The following MMS22L variants were observed in gnomAD, a reference collection of about 807,000 sequenced individuals.
MMS22L encodes the protein protein MMS22-like.
In MMS22L, 74 loss-of-function variants were observed where a neutral mutation model predicts 159.1. The observed-to-expected ratio is 0.47, with a 90% CI of 0.39 to 0.56. The LOEUF is 0.56. Among genes scored for constraint, MMS22L ranks in the 20% least tolerant of loss-of-function variants. The probability of loss-of-function intolerance (pLI) is 0.00; values close to 1 mark genes in which losing one functional copy is unlikely to be tolerated. For synonymous variants in MMS22L, 517 were observed against 506.9 expected, an observed-to-expected ratio of 1.02 and a Z score of -0.27; for missense variants, 1,351 against 1,422.1, an observed-to-expected ratio of 0.95 and a Z score of 0.80.
rs1805244692 is a variant in MMS22L at position 97,186,511 on chromosome 6, G to GC, written c.2218dup (p.Ala740GlyfsTer38). On this transcript the variant is annotated frameshift_variant, in exon 15 of 25. Transcript: ENST00000683635. LOFTEE classifies it high-confidence loss of function. ...TTAATGCTGACCTGCAGCTGCATCC[G>GC]CAAGTTGTGAGAAAGGCACTACCTG... The GC allele has an allele frequency of 6.2e-7, 1 of 1,611,912 alleles. No individual in the cohort carries two copies. Among genetic ancestry groups the GC allele is most frequent in the South Asian group, 1.1e-5 (1 of 90,854 alleles).
intron 11 of MMS22L, among the ~76,000 whole-genome samples, chr6:97,237,481 G>T (rs371737545): frequency 6.6e-6 from 1 of 151,756 alleles, no homozygotes; most frequent in Non-Finnish European, 1.5e-5. Flanking sequence ...CTTTCTTTAC[G>T]CTTTTATGGC....
At chr6:97,231,152 C>G (rs1293930059) in intron 13 of MMS22L, 1 of 360,988 alleles carries the variant, frequency 2.8e-6, no homozygotes, top group African/African-American at 2.0e-5. Context: ...GTGGTCAGTT[C>G]TCATTTAAAA....
Position 97,273,748 on chromosome 6 carries a change from G to A in MMS22L, c.341-686C>T, listed in dbSNP as rs147254111. Among the ~76,000 whole-genome samples the A allele has an allele frequency of 1.9e-3, 286 of 152,148 alleles. 2 individuals carry two copies. The highest frequency in any genetic ancestry group is 6.7e-3 in the African/African-American group (278 of 41,494). ...TTAACCTCGTATCTAATCCTTCAGA[G>A]TCCTATTAAGTTAATAACCAAATAT... On this transcript the variant is annotated intron_variant, in intron 4 of 24. Coordinates refer to ENST00000683635, the MANE Select transcript of MMS22L (RefSeq NM_001350599.2).
chr6:97,252,710 T>C (rs1331917295), intron 10 of MMS22L, among the ~76,000 whole-genome samples: 4 of 151,862 alleles, frequency 2.6e-5, no homozygotes, highest in African/African-American at 7.3e-5. Context: ...CCTAATATTA[T>C]GCAAATACAC....
intron 24 of MMS22L, among the ~76,000 whole-genome samples, chr6:97,147,425 G>T (rs778605585): frequency 1.1e-4 from 16 of 152,012 alleles, no homozygotes; most frequent in Non-Finnish European, 1.8e-4. Flanking sequence ...ATGATTTATT[G>T]TGCCTAGTAG....
At chr6:97,259,616 T>C (rs989440947) in intron 9 of MMS22L, 2 of 152,076 alleles carry the variant, frequency 1.3e-5, no homozygotes, top group Admixed American at 1.3e-4. Context: ...CATCAGCTCC[T>C]CTGGGTCTTC....
chr6:97,169,224 G>A (rs1193402981), intron 19 of MMS22L, among the ~76,000 whole-genome samples: 2 of 152,024 alleles, frequency 1.3e-5, no homozygotes, highest in African/African-American at 4.8e-5. Context: ...CTTGGTGCTA[G>A]AAGTCTGTTA....
rs1366428669 is a variant in MMS22L at position 97,146,811 on chromosome 6, T to C, written c.3727A>G (p.Thr1243Ala). 3 of 1,572,938 alleles carry C rather than the reference T, an allele frequency of 1.9e-6. No individual in the cohort carries two copies. Among genetic ancestry groups the C allele is most frequent in the African/African-American group, 1.4e-5 (1 of 71,972 alleles). Reference sequence around the variant, plus strand: ...AGGATGAATCACAAAATATATTAAGTATTATCATTTTCCAGTCTCTGCATC... The same window carrying C: ...AGGATGAATCACAAAATATATTAAGCATTATCATTTTCCAGTCTCTGCATC... ...DEMQRLENDN[T>A] is the part of the protein sequence containing the mutation. The change falls in exon 25 of 25, where the codon ACT becomes GCT. Residue 1243 changes from threonine to alanine, a missense_variant. Transcript: ENST00000683635.
At chr6:97,262,587 T>C (rs192899633) in intron 9 of MMS22L, among the ~76,000 whole-genome samples, 214 of 144,132 alleles carry the variant, frequency 1.5e-3, no homozygotes, top group Admixed American at 4.0e-3. Context: ...GAGATTGCAG[T>C]GAGCCGAGAT....
At position 97,199,960 on chromosome 6, in the gene MMS22L, C is replaced by G. The variant is rs76344413; in HGVS notation, c.2040-13270G>C. Among the ~76,000 whole-genome samples the G allele has an allele frequency of 1.1e-4, 16 of 152,012 alleles. No individual in the cohort carries two copies. The East Asian group carries it at 2.9e-3, about 28-fold the overall frequency. ...CCATCCCCTTTCTTCTGCTTTCTAC[C>G]ACTTTATAAACACTTCTAAGTACAA... On this transcript the variant is annotated intron_variant, in intron 14 of 24. Coordinates refer to ENST00000683635, the MANE Select transcript of MMS22L (RefSeq NM_001350599.2).
rs1800703390 is a variant in MMS22L, at chr6:97,142,822, T to TA, written c.*3983dup. On this transcript the variant is annotated 3_prime_UTR_variant, in exon 25 of 25. Transcript: ENST00000683635. ...GTAATTATTTAAGAACAAGGTAGTTTAAAAAATGTGTTGTAAAGCATGGAA... is the reference window on the plus strand; with the variant it reads ...GTAATTATTTAAGAACAAGGTAGTTTAAAAAAATGTGTTGTAAAGCATGGAA... The TA allele has an allele frequency of 6.6e-6, 1 of 152,102 alleles. No homozygotes were observed. The highest frequency in any genetic ancestry group is 6.6e-5 in the Admixed American group (1 of 15,262). 9.4% of individuals were successfully genotyped at this position (152,102 alleles called of 1,614,324 possible).
In MMS22L at chr6:97,151,869, TAGAAGGAAA is replaced by T; in HGVS notation, c.3386-11_3386-3del. The T allele has an allele frequency of 2.5e-6, 4 of 1,612,654 alleles. No homozygotes were observed. The highest frequency in any genetic ancestry group is 3.4e-6 in the Non-Finnish European group (4 of 1,178,862). ...GGTTCTCTGTGGCCAGCCTTTTAAC[TAGAAGGAAA>T]AATTACAGCATTAGGCACTGTGTCT... On this transcript the variant is annotated splice_polypyrimidine_tract_variant and splice_region_variant and intron_variant, in intron 22 of 24. Transcript: ENST00000683635.
At chr6:97,201,822 G>A (rs1233594382) in intron 14 of MMS22L, among the ~76,000 whole-genome samples, 1 of 152,200 alleles carries the variant, frequency 6.6e-6, no homozygotes, top group Non-Finnish European at 1.5e-5. Context: ...TATTGCTTTA[G>A]AGCCTAGATT....
At position 97,231,511 on chromosome 6, in the gene MMS22L, T is replaced by TA. The variant is rs1189615825; in HGVS notation, c.1443dup (p.Thr482TyrfsTer12). 6.2e-7 allele frequency: 1 copy of TA among 1,613,786 alleles called. No homozygotes were observed. Among genetic ancestry groups the TA allele is most frequent in the Non-Finnish European group, 8.5e-7 (1 of 1,179,818 alleles). On this transcript the variant is annotated frameshift_variant, in exon 13 of 25. Transcript: ENST00000683635. LOFTEE classifies it high-confidence loss of function. The stretch of plus-strand genomic sequence containing the variant: ...TTTGCCAGAATACAAAGAAAAATAG[T>TA]ATAACTACTGCTGGATTTATATAGT...
At chr6:97,183,517 C>T (rs1804931619) in intron 15 of MMS22L, among the ~76,000 whole-genome samples, 1 of 152,118 alleles carries the variant, frequency 6.6e-6, no homozygotes, top group African/African-American at 2.4e-5. Context: ...ATGACATTTC[C>T]CTAGTCCATT....
At chr6:97,165,490 G>A (rs769425165) in intron 20 of MMS22L, 33 bp from the exon 21 acceptor site, 57 of 1,558,310 alleles carry the variant, frequency 3.7e-5, no homozygotes, top group Non-Finnish European at 4.4e-5. Flanking sequence ...ATACTAAGAG[G>A]TAAAGTTTCA....
chr6:97,155,511 T>C (rs915727242), intron 22 of MMS22L, among the ~76,000 whole-genome samples: 1 of 152,104 alleles, frequency 6.6e-6, no homozygotes, highest in South Asian at 2.1e-4. Flanking sequence ...CCCCTCCCTG[T>C]GTCCATGTGT....
intron 4 of MMS22L, 25 bp downstream of exon 4, chr6:97,278,824 T>C (rs747469659): frequency 1.9e-6 from 3 of 1,605,240 alleles, no homozygotes; most frequent in Admixed American, 1.7e-5. Context: ...CATTCCCTTT[T>C]GCATTAAACA....
chr6:97,226,498 G>C (rs1201209041), intron 14 of MMS22L, among the ~76,000 whole-genome samples: 3 of 152,074 alleles, frequency 2.0e-5, no homozygotes, highest in Non-Finnish European at 4.4e-5. Context: ...GGATGCTGAG[G>C]CAGGAGAATT....
Sources: allele counts gnomAD v4.1 joint callset (sites outside exome capture counted in the v4.1 genomes callset), GRCh38; gene constraint gnomAD v4.1.1; transcripts MANE v1.5; gene names NCBI Gene and HGNC (gene_info 2026-07-23, HGNC 2026-07-21).